The following NRG3 variants were observed in gnomAD, a reference collection of about 807,000 sequenced individuals.
NRG3 encodes the protein pro-neuregulin-3, membrane-bound isoform.
Under a neutral mutation model 66.9 loss-of-function variants are expected in NRG3, and 31 were observed. That is an observed-to-expected ratio of 0.46 (90% CI 0.35 to 0.63). The LOEUF is 0.63. Ranked by LOEUF, NRG3 falls within the 20% of genes least tolerant of loss-of-function variation. NRG3 has a pLI of 0.00. For missense variants in NRG3, 910 were observed against 878.9 expected, an observed-to-expected ratio of 1.04 and a Z score of -0.45; for synonymous variants, 393 against 359.4, an observed-to-expected ratio of 1.09 and a Z score of -1.06.
chr10:82,706,731 C>T (rs557402739), intron 2 of NRG3, among the ~76,000 whole-genome samples: 7 of 152,246 alleles, frequency 4.6e-5, no homozygotes, highest in Non-Finnish European at 1.0e-4. Flanking sequence ...TGGTGGCTCA[C>T]GCCTTTAATC....
intron 2 of NRG3, among the ~76,000 whole-genome samples, chr10:82,640,336 A>T (rs960771231): frequency 6.6e-6 from 1 of 152,172 alleles, no homozygotes; most frequent in Non-Finnish European, 1.5e-5. Flanking sequence ...AGCCCTGGTG[A>T]TTTTATCCAG....
intron 1 of NRG3, among the ~76,000 whole-genome samples, chr10:82,284,328 C>T (rs1437961696): frequency 6.6e-6 from 1 of 152,160 alleles, no homozygotes; most frequent in African/African-American, 2.4e-5. Context: ...GAAACATGGG[C>T]TGTCATAGAT....
rs114151460 is a variant in NRG3, at chr10:82,207,335, T to C, written c.824-151404T>C. ...AATATATATTTATTTGCACTTAGTG[T>C]TCAGTAGTGAAGTGCACGGGTCATT... On this transcript the variant is annotated intron_variant, in intron 1 of 8. Transcript: ENST00000372141. Among the ~76,000 whole-genome samples, 1,206 of 152,252 alleles carry C rather than the reference T, an allele frequency of 7.9e-3. 18 individuals are homozygous for C. The highest frequency in any genetic ancestry group is 0.028 in the African/African-American group (1,156 of 41,526).
intron 1 of NRG3, among the ~76,000 whole-genome samples, chr10:82,224,672 G>T (rs1218975758): frequency 6.6e-6 from 1 of 152,080 alleles, no homozygotes; most frequent in Non-Finnish European, 1.5e-5. Context: ...AACCCTAGAA[G>T]GCTGAAGTGA....
intron 1 of NRG3, among the ~76,000 whole-genome samples, chr10:82,285,494 A>C (rs557418191): frequency 6.6e-6 from 1 of 152,340 alleles, no homozygotes; most frequent in African/African-American, 2.4e-5. Context: ...AGGATATAAT[A>C]GTCTAATTAA....
chr10:82,875,740 C>G (rs777673608), intron 4 of NRG3, among the ~76,000 whole-genome samples: 5 of 152,186 alleles, frequency 3.3e-5, no homozygotes, highest in African/African-American at 4.8e-5. Flanking sequence ...CACAAGCCCT[C>G]CAAGTATTTT....
chr10:82,744,291 G>T (rs530983265), intron 3 of NRG3, among the ~76,000 whole-genome samples: 10 of 152,144 alleles, frequency 6.6e-5, no homozygotes, highest in Admixed American at 6.5e-5. Flanking sequence ...CCATTAACTG[G>T]GTGGCTTATA....
chr10:82,762,356 A>G (rs2059363599), intron 3 of NRG3, among the ~76,000 whole-genome samples: 1 of 152,106 alleles, frequency 6.6e-6, no homozygotes, highest in African/African-American at 2.4e-5. Context: ...ATAAAATTAA[A>G]TTTTTCAAAC....
At chr10:82,910,016 T>A (rs910404153) in intron 4 of NRG3, among the ~76,000 whole-genome samples, 2 of 152,168 alleles carry the variant, frequency 1.3e-5, no homozygotes, top group Non-Finnish European at 2.9e-5. Flanking sequence ...AAACTGAAGG[T>A]CTTGATTGCA....
chr10:82,058,934 TTG>T (rs1256510198), intron 1 of NRG3, among the ~76,000 whole-genome samples: 2 of 152,256 alleles, frequency 1.3e-5, no homozygotes, highest in East Asian at 3.9e-4. Flanking sequence ...CAGGGGTGAT[TTG>T]AAGTCTGTAT....
chr10:82,090,605 A>C lies in NRG3; in HGVS notation c.823+214442A>C, dbSNP rs141096272. Among the ~76,000 whole-genome samples the C allele has an allele frequency of 2.9e-4, 44 of 152,282 alleles. No homozygotes were observed. In the East Asian group the frequency reaches 7.3e-3, roughly 25 times the overall value. On this transcript the variant is annotated intron_variant, in intron 1 of 8. Coordinates refer to ENST00000372141, the MANE Select transcript of NRG3 (RefSeq NM_001010848.4). ...GTGCTAGGAAAGTATTTACAGCATG[A>C]TGCTGCCATATTTGAATAAAGAAGG...
chr10:82,238,624 C>T (rs2076861827), intron 1 of NRG3, among the ~76,000 whole-genome samples: 1 of 152,082 alleles, frequency 6.6e-6, no homozygotes, highest in South Asian at 2.1e-4. Context: ...CTTTCCCCTA[C>T]CACCTTGAGA....
intron 2 of NRG3, among the ~76,000 whole-genome samples, chr10:82,403,917 G>T (rs531349284): frequency 6.6e-6 from 1 of 151,992 alleles, no homozygotes; most frequent in Non-Finnish European, 1.5e-5. Flanking sequence ...ATTTTTTGGG[G>T]GGTTAAAAGT....
intron 1 of NRG3, among the ~76,000 whole-genome samples, chr10:82,173,752 TC>T (rs2072818150): frequency 1.3e-5 from 2 of 150,038 alleles, no homozygotes; most frequent in African/African-American, 4.9e-5. Context: ...AACACAAAGA[TC>T]AACACTTACG....
chr10:82,045,953 C>G (rs1478238021), intron 1 of NRG3, among the ~76,000 whole-genome samples: 1 of 151,344 alleles, frequency 6.6e-6, no homozygotes, highest in Non-Finnish European at 1.5e-5. Context: ...CAGTACCATG[C>G]TGTTTTGGTT....
At chr10:82,439,555 A>G (rs2090325479) in intron 2 of NRG3, among the ~76,000 whole-genome samples, 1 of 152,034 alleles carries the variant, frequency 6.6e-6, no homozygotes, top group African/African-American at 2.4e-5. Flanking sequence ...TATCATCATA[A>G]TATCTGTAGA....
intron 3 of NRG3, among the ~76,000 whole-genome samples, chr10:82,779,285 C>T (rs2060026761): frequency 2.0e-5 from 3 of 152,084 alleles, no homozygotes; most frequent in Non-Finnish European, 4.4e-5. Flanking sequence ...CTCCTCCTTC[C>T]TGTTTCCATC....
At chr10:82,970,082 G>A (rs1050344927) in intron 6 of NRG3, among the ~76,000 whole-genome samples, 1 of 151,530 alleles carries the variant, frequency 6.6e-6, no homozygotes, top group African/African-American at 2.4e-5. Context: ...TTTCCGTTTC[G>A]TTATGGACAA....
intron 1 of NRG3, among the ~76,000 whole-genome samples, chr10:82,292,084 A>G (rs1424390763): frequency 2.0e-5 from 3 of 152,204 alleles, no homozygotes; most frequent in African/African-American, 7.2e-5. Context: ...CTGATGAAGA[A>G]TAAGTATTTA....
Sources: allele counts gnomAD v4.1 joint callset (sites outside exome capture counted in the v4.1 genomes callset), GRCh38; gene constraint gnomAD v4.1.1; transcripts MANE v1.5; gene names NCBI Gene and HGNC (gene_info 2026-07-23, HGNC 2026-07-21).